H2AC1: variants seen among roughly 807,000 people sequenced by gnomAD.
The protein encoded by H2AC1 is H2A clustered histone 1, also known as histone H2A type 1-A.
For synonymous variants in H2AC1, 145 were observed against 70.0 expected (o/e 2.07, Z -5.35); for missense variants, 218 against 173.8 (o/e 1.25, Z -1.43).
chr6:25,726,523 G>A lies in H2AC1; in HGVS notation c.5C>T (p.Ser2Phe), dbSNP rs1760254268. M[S>F]GRGKQGGKAR... ...TTTTCCTCCCTGCTTCCCTCGTCCAGACATCTCCTCGCATCAAATTGCAGC... is the reference window on the plus strand; with the variant it reads ...TTTTCCTCCCTGCTTCCCTCGTCCAAACATCTCCTCGCATCAAATTGCAGC... The change falls in exon 1 of 1, where the codon TCT becomes TTT. Residue 2 changes from serine to phenylalanine, a missense_variant. Transcript: ENST00000297012. 1.9e-6 allele frequency: 3 copies of A among 1,607,340 alleles called. No individual in the cohort carries two copies. The highest frequency in any genetic ancestry group is 1.3e-5 in the African/African-American group (1 of 74,744).
In H2AC1 at chr6:25,726,127, T is replaced by C. The variant is rs201841051; in HGVS notation, c.*5A>G. Reference sequence around the variant, plus strand: ...AGAAGTCTTTTTACCAATGACAACCTTAAGTTACTTGCTTTGGGCTTTATG... The same window carrying C: ...AGAAGTCTTTTTACCAATGACAACCCTAAGTTACTTGCTTTGGGCTTTATG... On this transcript the variant is annotated 3_prime_UTR_variant, in exon 1 of 1. Coordinates refer to ENST00000297012, the MANE Select transcript of H2AC1 (RefSeq NM_170745.3). The C allele has an allele frequency of 7.9e-6, 12 of 1,522,396 alleles. No homozygotes were observed. The highest frequency in any genetic ancestry group is 8.8e-6 in the Non-Finnish European group (10 of 1,135,768). 94.3% of individuals were successfully genotyped at this position (1,522,396 alleles called of 1,614,324 possible).
In H2AC1 at chr6:25,726,375, A is replaced by G. The variant is rs1469778675; in HGVS notation, c.153T>C (p.Tyr51=). 3.7e-6 allele frequency: 6 copies of G among 1,614,140 alleles called. No individual in the cohort carries two copies. Among genetic ancestry groups the G allele is most frequent in the Admixed American group, 1.7e-5 (1 of 60,018 alleles). ...AERIGAGAPV[Y]LAAVLEYLTA... ...TGAGATACTCTAACACTGCCGCCAA[A>G]TACACTGGTGCGCCTGCCCCTATCC... The change falls in exon 1 of 1, where the codon TAT becomes TAC. Residue 51 remains tyrosine (Y), a synonymous_variant. Coordinates refer to ENST00000297012, the MANE Select transcript of H2AC1 (RefSeq NM_170745.3).
rs1760235071 is a variant in H2AC1, at chr6:25,726,190, T to C, written c.338A>G (p.Gln113Arg). The change falls in exon 1 of 1, where the codon CAG becomes CGG. Residue 113 changes from glutamine to arginine, a missense_variant. Gln to Arg is a conservative substitution (Grantham distance 43). Transcript: ENST00000297012. The part of the protein sequence containing the change: ...IAQGGVLPNI[Q>R]AVLLPKKTES... ...AGTCTTCTTGGGCAGCAGCACTGCC[T>C]GAATGTTAGGCAGGACTCCGCCCTG... 4 of 1,599,100 alleles carry C rather than the reference T, an allele frequency of 2.5e-6. No individual in the cohort carries two copies. The highest frequency in any genetic ancestry group is 3.4e-6 in the Non-Finnish European group (4 of 1,170,464).
rs776238056 is a variant in H2AC1 at position 25,726,390 on chromosome 6, T to C, written c.138A>G (p.Ala46=). 1.2e-6 allele frequency: 2 copies of C among 1,614,056 alleles called. No individual in the cohort carries two copies. Among genetic ancestry groups the C allele is most frequent in the Non-Finnish European group, 1.7e-6 (2 of 1,180,050 alleles). ...RKGNYAERIG[A]GAPVYLAAVL... ...CTGCCGCCAAATACACTGGTGCGCC[T>C]GCCCCTATCCGCTCTGCATAGTTTC... The change falls in exon 1 of 1, where the codon GCA becomes GCG. Residue 46 remains alanine (A), a synonymous_variant. Transcript: ENST00000297012.
Position 25,726,407 on chromosome 6 carries a change from C to A in H2AC1, c.121G>T (p.Ala41Ser). Residue 41 changes from alanine (A) to serine (S), a missense_variant, in exon 1 of 1, where the codon GCA becomes TCA. By Grantham distance (99) the Ala-to-Ser change is moderately conservative. Coordinates refer to ENST00000297012, the MANE Select transcript of H2AC1 (RefSeq NM_170745.3). ...IHRLLRKGNY[A>S]ERIGAGAPVY... ...GGTGCGCCTGCCCCTATCCGCTCTG[C>A]ATAGTTTCCCTTACGAAGCAGACGA... 1 of 1,614,212 alleles carries A rather than the reference C, an allele frequency of 6.2e-7. No individual in the cohort carries two copies.
chr6:25,726,101 C>T lies in H2AC1; in HGVS notation c.*31G>A, dbSNP rs201764642. The stretch of plus-strand genomic sequence containing the variant: ...AAAGAGCCTTTTGTTTTTTCTGACA[C>T]AGAAGTCTTTTTACCAATGACAACC... On this transcript the variant is annotated 3_prime_UTR_variant, in exon 1 of 1. Coordinates refer to ENST00000297012, the MANE Select transcript of H2AC1 (RefSeq NM_170745.3). 1.3e-6 allele frequency: 2 copies of T among 1,501,578 alleles called. No homozygotes were observed. Among genetic ancestry groups the T allele is most frequent in the South Asian group, 1.4e-5 (1 of 71,148 alleles). The allele number at this position is 1,501,578 out of a possible 1,614,324, so 93.0% of individuals were successfully genotyped here.
Position 25,726,255 on chromosome 6 carries a change from A to G in H2AC1, c.273T>C (p.Asp91=). ...PRHLQLAIRN[D]EELNKLLGGV... ...CGCCCAAAAGCTTATTGAGTTCCTCATCATTGCGGATCGCTAGCTGCAGGT... is the reference window on the plus strand; with the variant it reads ...CGCCCAAAAGCTTATTGAGTTCCTCGTCATTGCGGATCGCTAGCTGCAGGT... Residue 91 remains aspartate (D), a synonymous_variant, in exon 1 of 1, where the codon GAT becomes GAC. Transcript: ENST00000297012. 6.2e-7 allele frequency: 1 copy of G among 1,614,050 alleles called. No homozygotes were observed. The highest frequency in any genetic ancestry group is 8.5e-7 in the Non-Finnish European group (1 of 1,179,948).
At position 25,726,432 on chromosome 6, in the gene H2AC1, A is replaced by G. The variant is rs745544971; in HGVS notation, c.96T>C (p.His32=). Residue 32 remains histidine, a synonymous_variant, in exon 1 of 1, where the codon CAT becomes CAC. Coordinates refer to ENST00000297012, the MANE Select transcript of H2AC1 (RefSeq NM_170745.3). ...CATAGTTTCCCTTACGAAGCAGACG[A>G]TGGATCCGGCCTACGGGAAACTGCA... ...AGLQFPVGRI[H]RLLRKGNYAE... is the part of the protein sequence containing the mutation. 2 of 1,614,054 alleles carry G rather than the reference A, an allele frequency of 1.2e-6. No homozygotes were observed. The highest frequency in any genetic ancestry group is 8.5e-7 in the Non-Finnish European group (1 of 1,180,016).
chr6:25,726,140 T>C lies in H2AC1; in HGVS notation c.388A>G (p.Ser130Gly). Residue 130 changes from serine (S) to glycine (G), a missense_variant, in exon 1 of 1, where the codon AGC becomes GGC. Transcript: ENST00000297012. ...KTESHHHKAQ[S>G]K Reference sequence around the variant, plus strand: ...CCAATGACAACCTTAAGTTACTTGCTTTGGGCTTTATGGTGGTGACTCTCA... The same window carrying C: ...CCAATGACAACCTTAAGTTACTTGCCTTGGGCTTTATGGTGGTGACTCTCA... 2.0e-6 allele frequency: 3 copies of C among 1,535,596 alleles called. No individual in the cohort carries two copies. The highest frequency in any genetic ancestry group is 1.3e-5 in the South Asian group (1 of 78,862).
chr6:25,726,489 G>GGC lies in H2AC1; in HGVS notation c.37_38dup (p.Lys14ProfsTer16). Reference sequence around the variant, plus strand: ...CTCTAGAAGAGCGAGACTTAGACTTGGCGCGTGCTTTTCCTCCCTGCTTCC... The same window carrying GGC: ...CTCTAGAAGAGCGAGACTTAGACTTGGCGCGCGTGCTTTTCCTCCCTGCTTCC... On this transcript the variant is annotated frameshift_variant, in exon 1 of 1. Transcript: ENST00000297012. LOFTEE classifies it low-confidence loss of function (END_TRUNC). 2 of 1,612,516 alleles carry GGC rather than the reference G, an allele frequency of 1.2e-6. No homozygotes were observed. The highest frequency in any genetic ancestry group is 1.7e-6 in the Non-Finnish European group (2 of 1,178,992).
In H2AC1 at chr6:25,726,444, T is replaced by G; in HGVS notation, c.84A>C (p.Val28=). ...RSSRAGLQFP[V]GRIHRLLRKG... is the part of the protein sequence containing the mutation. Reference sequence around the variant, plus strand: ...TACGAAGCAGACGATGGATCCGGCCTACGGGAAACTGCAAACCCGCTCTAG... The same window carrying G: ...TACGAAGCAGACGATGGATCCGGCCGACGGGAAACTGCAAACCCGCTCTAG... The change falls in exon 1 of 1, where the codon GTA becomes GTC. Residue 28 remains valine (V), a synonymous_variant. Transcript: ENST00000297012. The G allele has an allele frequency of 1.9e-6, 3 of 1,614,062 alleles. No homozygotes were observed. Among genetic ancestry groups the G allele is most frequent in the Non-Finnish European group, 2.5e-6 (3 of 1,180,020 alleles).
rs1381781802 is a variant in H2AC1 at position 25,726,459 on chromosome 6, A to G, written c.69T>C (p.Gly23=). The stretch of plus-strand genomic sequence containing the variant: ...GGATCCGGCCTACGGGAAACTGCAA[A>G]CCCGCTCTAGAAGAGCGAGACTTAG... ...AKSKSRSSRA[G]LQFPVGRIHR... Residue 23 remains glycine, a synonymous_variant, in exon 1 of 1, where the codon GGT becomes GGC. Transcript: ENST00000297012. 1.2e-6 allele frequency: 2 copies of G among 1,613,810 alleles called. No individual in the cohort carries two copies. The highest frequency in any genetic ancestry group is 1.7e-6 in the Non-Finnish European group (2 of 1,179,972).
Position 25,726,240 on chromosome 6 carries a change from CTTA to C in H2AC1, c.285_287del (p.Asn95del), listed in dbSNP as rs754524268. On this transcript the variant is annotated inframe_deletion, in exon 1 of 1. Coordinates refer to ENST00000297012, the MANE Select transcript of H2AC1 (RefSeq NM_170745.3). ...GGGCAATGGTCACGCCGCCCAAAAG[CTTA>C]TTGAGTTCCTCATCATTGCGGATCG... 23 of 1,613,754 alleles carry C rather than the reference CTTA, an allele frequency of 1.4e-5. No individual in the cohort carries two copies. The highest frequency in any genetic ancestry group is 5.5e-5 in the South Asian group (5 of 91,054).
chr6:25,726,493 C>G lies in H2AC1; in HGVS notation c.35G>C (p.Arg12Pro). Reference protein sequence around the residue: ...SGRGKQGGKARAKSKSRSSRA... With the variant: ...SGRGKQGGKAPAKSKSRSSRA... ...AGAAGAGCGAGACTTAGACTTGGCGCGTGCTTTTCCTCCCTGCTTCCCTCG... is the reference window on the plus strand; with the variant it reads ...AGAAGAGCGAGACTTAGACTTGGCGGGTGCTTTTCCTCCCTGCTTCCCTCG... Residue 12 changes from arginine to proline, a missense_variant, in exon 1 of 1, where the codon CGC (arginine) becomes CCC (proline). Coordinates refer to ENST00000297012, the MANE Select transcript of H2AC1 (RefSeq NM_170745.3). 1 of 1,611,970 alleles carries G rather than the reference C, an allele frequency of 6.2e-7. No individual in the cohort carries two copies. The highest frequency in any genetic ancestry group is 8.5e-7 in the Non-Finnish European group (1 of 1,178,520).
rs1212005427 is a variant in H2AC1 at position 25,726,246 on chromosome 6, G to T, written c.282C>A (p.Leu94=). ...TGGTCACGCCGCCCAAAAGCTTATTGAGTTCCTCATCATTGCGGATCGCTA... is the reference window on the plus strand; with the variant it reads ...TGGTCACGCCGCCCAAAAGCTTATTTAGTTCCTCATCATTGCGGATCGCTA... The part of the protein sequence containing the change: ...LQLAIRNDEE[L]NKLLGGVTIA... Residue 94 remains leucine, a synonymous_variant, in exon 1 of 1, where the codon CTC becomes CTA. Transcript: ENST00000297012. 1.2e-6 allele frequency: 2 copies of T among 1,613,906 alleles called. No individual in the cohort carries two copies. Among genetic ancestry groups the T allele is most frequent in the East Asian group, 4.5e-5 (2 of 44,866 alleles).
Position 25,726,115 on chromosome 6 carries a change from C to T in H2AC1, c.*17G>A, listed in dbSNP as rs6940348. 0.98 allele frequency: 1,475,265 copies of T among 1,504,192 alleles called. 723,951 individuals carry two copies. Among genetic ancestry groups the T allele is most frequent in the Non-Finnish European group, 0.99 (1,112,876 of 1,125,864 alleles). 93.2% of individuals were successfully genotyped at this position (1,504,192 alleles called of 1,614,324 possible). On this transcript the variant is annotated 3_prime_UTR_variant, in exon 1 of 1. Transcript: ENST00000297012. ...TTTTTCTGACACAGAAGTCTTTTTA[C>T]CAATGACAACCTTAAGTTACTTGCT...
At position 25,726,560 on chromosome 6, in the gene H2AC1, C is replaced by T. The variant is rs749562396; in HGVS notation, c.-33G>A. On this transcript the variant is annotated 5_prime_UTR_variant, in exon 1 of 1. Coordinates refer to ENST00000297012, the MANE Select transcript of H2AC1 (RefSeq NM_170745.3). ...CATCAAATTGCAGCAACACGAGAACCACATTTCTAGGGCTGCTACTGGGCC... is the reference window on the plus strand; with the variant it reads ...CATCAAATTGCAGCAACACGAGAACTACATTTCTAGGGCTGCTACTGGGCC... 3.8e-5 allele frequency: 61 copies of T among 1,584,430 alleles called. No homozygotes were observed. Among genetic ancestry groups the T allele is most frequent in the Non-Finnish European group, 4.9e-5 (57 of 1,162,372 alleles).
In H2AC1 at chr6:25,726,083, CTTTTG is replaced by C. The variant is rs1760228112; in HGVS notation, c.*44_*48del. The C allele has an allele frequency of 6.1e-6, 9 of 1,472,212 alleles. No individual in the cohort carries two copies. Among genetic ancestry groups the C allele is most frequent in the Non-Finnish European group, 8.2e-6 (9 of 1,103,650 alleles). The allele number at this position is 1,472,212 out of a possible 1,614,324, so 91.2% of individuals were successfully genotyped here. A position where few individuals can be genotyped will look rare whatever the true frequency, so the allele number is the denominator to read the frequency against. On this transcript the variant is annotated 3_prime_UTR_variant, in exon 1 of 1. Coordinates refer to ENST00000297012, the MANE Select transcript of H2AC1 (RefSeq NM_170745.3). Reference sequence around the variant, plus strand: ...GACGGTAGGTGGCTCTGAAAAGAGCCTTTTGTTTTTTCTGACACAGAAGTCTTTTT... The same window carrying C: ...GACGGTAGGTGGCTCTGAAAAGAGCCTTTTTTCTGACACAGAAGTCTTTTT...
rs536726454 is a variant in H2AC1 at position 25,726,285 on chromosome 6, G to A, written c.243C>T (p.Pro81=). ...TGCGGATCGCTAGCTGCAGGTGGCGGGGAATAATGCGAGTTTTTTTGTTAT... is the reference window on the plus strand; with the variant it reads ...TGCGGATCGCTAGCTGCAGGTGGCGAGGAATAATGCGAGTTTTTTTGTTAT... ...SRDNKKTRII[P]RHLQLAIRND... The change falls in exon 1 of 1, where the codon CCC becomes CCT. Residue 81 remains proline (P), a synonymous_variant. Transcript: ENST00000297012. 22 of 1,614,094 alleles carry A rather than the reference G, an allele frequency of 1.4e-5. No homozygotes were observed. The highest frequency in any genetic ancestry group is 8.8e-5 in the South Asian group (8 of 91,076).
Sources: allele counts gnomAD v4.1 joint callset, GRCh38; gene constraint gnomAD v4.1.1; transcripts MANE v1.5; gene names NCBI Gene and HGNC (gene_info 2026-07-23, HGNC 2026-07-21).